Variants in ACVRL1 observed in about 807,000 individuals in gnomAD.
ACVRL1 encodes activin receptor type-1-like.
In ACVRL1, 20 loss-of-function variants were observed where a neutral mutation model predicts 51.9. That is an observed-to-expected ratio of 0.39 (90% CI 0.27 to 0.56). ACVRL1 has a LOEUF of 0.56. ACVRL1 is among the 20% of genes least tolerant of loss of function. The pLI is 0.67. For synonymous variants in ACVRL1, 288 were observed against 280.9 expected, an observed-to-expected ratio of 1.03 and a Z score of -0.25; for missense variants, 451 against 670.3, an observed-to-expected ratio of 0.67 and a Z score of 3.61.
chr12:51,913,923 G>T, intron 4 of ACVRL1, 51 bp from the exon 5 acceptor site: 1 of 1,599,390 alleles, frequency 6.3e-7, no homozygotes, highest in South Asian at 1.1e-5. Flanking sequence ...GATAGAGAAG[G>T]GGGCTGTGGC....
chr12:51,912,976 A>G (rs1940725124), intron 2 of ACVRL1, 123 bp from the exon 3 acceptor site: 3 of 1,390,952 alleles, frequency 2.2e-6, no homozygotes, highest in South Asian at 2.5e-5. Context: ...AAAGTAAGAG[A>G]CCAAAGCTTC....
Position 51,913,365 on chromosome 12 carries a change from C to G in ACVRL1, c.313+15C>G. On this transcript the variant is annotated intron_variant, in intron 3 of 9. Transcript: ENST00000388922. ...GGTGCTGGAGGGTACGTCCAGCTGC[C>G]CTAGCACTCCCTCCCCATCTTCTTG... 1 of 1,609,814 alleles carries G rather than the reference C, an allele frequency of 6.2e-7. No homozygotes were observed. The highest frequency in any genetic ancestry group is 8.5e-7 in the Non-Finnish European group (1 of 1,178,580).
At chr12:51,910,852 GT>G (rs1446828977) in intron 1 of ACVRL1, among the ~76,000 whole-genome samples, 1 of 152,182 alleles carries the variant, frequency 6.6e-6, no homozygotes, top group Non-Finnish European at 1.5e-5. Context: ...CCAGGGCTCT[GT>G]TTCCTCCCCC....
intron 9 of ACVRL1, 47 bp downstream of exon 9, chr12:51,919,162 G>T (rs1266420884): frequency 6.2e-7 from 1 of 1,613,112 alleles, no homozygotes. Context: ...GTGGCTCATG[G>T]CTGGGATTTC....
rs1168190499 is a variant in ACVRL1, at chr12:51,907,618, T to G, written c.-83T>G. 1 of 151,992 alleles carries G rather than the reference T, an allele frequency of 6.6e-6. No homozygotes were observed. Among genetic ancestry groups the G allele is most frequent in the Non-Finnish European group, 1.5e-5 (1 of 67,984 alleles). The allele number at this position is 151,992 out of a possible 1,614,324, so 9.4% of individuals were successfully genotyped here. On this transcript the variant is annotated 5_prime_UTR_variant, in exon 1 of 10. Transcript: ENST00000388922. This position sits in a 1 kb window ranked among gnomAD's most constrained non-coding sequence, Gnocchi z 4.5. ...CGCCGTCCAGCGCTGGCGGTGCAAC[T>G]GCGGCCGCGCGGTGGAGGGGAGGTG...
intron 1 of ACVRL1, among the ~76,000 whole-genome samples, chr12:51,908,188 C>A (rs968982495): frequency 6.6e-6 from 1 of 152,292 alleles, no homozygotes; most frequent in Admixed American, 6.5e-5. Flanking sequence ...ACCCTAGGCG[C>A]GCATGGTCAG....
Position 51,917,152 on chromosome 12 carries a change from G to A in ACVRL1, c.1246+919G>A, listed in dbSNP as rs935812066. On this transcript the variant is annotated intron_variant, in intron 8 of 9. Transcript: ENST00000388922. This position sits in a 1 kb window ranked among gnomAD's most constrained non-coding sequence, Gnocchi z 4.2. ...CCCCATTTTACAGTTGAGGAGACGG[G>A]GGCACAGAATGACAGTGGGCTTGAG... is the stretch of plus-strand genomic sequence containing the variant. Among the ~76,000 whole-genome samples, 1 of 152,188 alleles carries A rather than the reference G, an allele frequency of 6.6e-6. No individual in the cohort carries two copies. Among genetic ancestry groups the A allele is most frequent in the African/African-American group, 2.4e-5 (1 of 41,442 alleles).
Position 51,913,238 on chromosome 12 carries a change from G to T in ACVRL1, c.201G>T (p.Arg67=), listed in dbSNP as rs1414400183. ...REEGRHPQEH[R]GCGNLHRELC... ...AGGGGAGGCACCCCCAGGAACATCG[G>T]GGCTGCGGGAACTTGCACAGGGAGC... Residue 67 remains arginine (R), a synonymous_variant, in exon 3 of 10, where the codon CGG becomes CGT. Transcript: ENST00000388922. The T allele has an allele frequency of 6.3e-7, 1 of 1,591,038 alleles. No individual in the cohort carries two copies. Among genetic ancestry groups the T allele is most frequent in the Admixed American group, 1.8e-5 (1 of 56,160 alleles).
chr12:51,919,146 G>C (rs772774519), intron 9 of ACVRL1, 31 bp downstream of exon 9: 1 of 1,613,462 alleles, frequency 6.2e-7, no homozygotes, highest in South Asian at 1.1e-5. Context: ...AGGATGGCGT[G>C]GGGTGGTGGC....
intron 5 of ACVRL1, 38 bp downstream of exon 5, chr12:51,914,111 G>C: frequency 3.8e-6 from 6 of 1,597,030 alleles, no homozygotes; most frequent in Non-Finnish European, 5.1e-6. Flanking sequence ...AGGACCAAGG[G>C]CTCTCATGAG....
intron 8 of ACVRL1, 137 bp from the exon 9 acceptor site, chr12:51,918,848 A>G (rs1382297716): frequency 5.8e-6 from 7 of 1,196,672 alleles, no homozygotes; most frequent in East Asian, 2.3e-5. Context: ...ATTGCATTAT[A>G]CTGTCCCTCT....
rs144711456 is a variant in ACVRL1, at chr12:51,916,955, C to T, written c.1246+722C>T. ...TGCCACTGCACTCCAGTCTGGGCGACAGAGTGAGACCCTGTCTCAAAAAAA... is the reference window on the plus strand; with the variant it reads ...TGCCACTGCACTCCAGTCTGGGCGATAGAGTGAGACCCTGTCTCAAAAAAA... On this transcript the variant is annotated intron_variant, in intron 8 of 9. Transcript: ENST00000388922. 9.0e-3 allele frequency among the ~76,000 whole-genome samples: 1,376 copies of T among 152,064 alleles called. 21 individuals are homozygous for T. Among genetic ancestry groups the T allele is most frequent in the African/African-American group, 0.031 (1,299 of 41,450 alleles).
chr12:51,915,244 G>T lies in ACVRL1; in HGVS notation c.792G>T (p.Met264Ile), dbSNP rs1481251768. The T allele has an allele frequency of 6.2e-7, 1 of 1,614,058 alleles. No homozygotes were observed. Among genetic ancestry groups the T allele is most frequent in the Admixed American group, 1.7e-5 (1 of 60,016 alleles). ...ACACAGGCTTCATCGCCTCAGACAT[G>T]ACCTCCCGCAACTCGAGCACGCAGC... ...DNILGFIASDMTSRNSSTQLW... is the reference protein window; with the variant it reads ...DNILGFIASDITSRNSSTQLW... The change falls in exon 7 of 10, where the codon ATG (methionine) becomes ATT (isoleucine). Residue 264 changes from methionine (M) to isoleucine (I), a missense_variant. Around this residue, in one of 2 missense-constraint regions of ACVRL1, gnomAD observed 259 missense variants for 453.4 expected, o/e 0.57. Coordinates refer to ENST00000388922, the MANE Select transcript of ACVRL1 (RefSeq NM_000020.3).
rs1316382282 is a variant in ACVRL1 at position 51,922,363 on chromosome 12, T to C, written c.*1470T>C. The C allele has an allele frequency of 6.6e-6, 1 of 152,226 alleles. No homozygotes were observed. The highest frequency in any genetic ancestry group is 2.4e-5 in the African/African-American group (1 of 41,438). The allele number at this position is 152,226 out of a possible 1,614,324, so 9.4% of individuals were successfully genotyped here. The stretch of plus-strand genomic sequence containing the variant: ...CCTCGCCCTCTCTGTGGCATAGTCT[T>C]CTCTGCCCCAGGACTGCAGGGCGGC... On this transcript the variant is annotated 3_prime_UTR_variant, in exon 10 of 10. Coordinates refer to ENST00000388922, the MANE Select transcript of ACVRL1 (RefSeq NM_000020.3).
chr12:51,914,344 G>A, intron 5 of ACVRL1, 95 bp from the exon 6 acceptor site: 3 of 1,560,172 alleles, frequency 1.9e-6, no homozygotes, highest in Non-Finnish European at 2.6e-6. Flanking sequence ...TGTGGGTGGG[G>A]TGGGCGAGGG....
At chr12:51,912,106 A>G (rs1592220665) in intron 1 of ACVRL1, among the ~76,000 whole-genome samples, 1 of 152,214 alleles carries the variant, frequency 6.6e-6, no homozygotes, top group South Asian at 2.1e-4. Flanking sequence ...GAGACACAGA[A>G]CAGAAGGGGA....
At position 51,917,495 on chromosome 12, in the gene ACVRL1, A is replaced by G. The variant is rs1312450755; in HGVS notation, c.1246+1262A>G. Among the ~76,000 whole-genome samples the G allele has an allele frequency of 6.6e-6, 1 of 152,210 alleles. No homozygotes were observed. The highest frequency in any genetic ancestry group is 1.5e-5 in the Non-Finnish European group (1 of 68,028). On this transcript the variant is annotated intron_variant, in intron 8 of 9. Transcript: ENST00000388922. The surrounding 1 kb of genome is among the most constrained non-coding windows in gnomAD (Gnocchi z 4.2). ...TTGTCAACCTTTGAGGAGGCTGTCCATGGTGAGGGACTTCCAGGAGTCGTG... is the reference window on the plus strand; with the variant it reads ...TTGTCAACCTTTGAGGAGGCTGTCCGTGGTGAGGGACTTCCAGGAGTCGTG...
intron 8 of ACVRL1, 116 bp downstream of exon 8, chr12:51,916,349 C>A: frequency 9.2e-7 from 1 of 1,087,686 alleles, no homozygotes; most frequent in East Asian, 2.6e-5. Flanking sequence ...CTCCTGGCAC[C>A]CCTTCCATGC....
rs762796409 is a variant in ACVRL1, at chr12:51,913,106, T to C, written c.69T>C (p.Pro23=). 6 of 1,603,816 alleles carry C rather than the reference T, an allele frequency of 3.7e-6. No individual in the cohort carries two copies. Among genetic ancestry groups the C allele is most frequent in the Middle Eastern group, 2.3e-4 (1 of 4,438 alleles). ...TTCCGGTGTGTCTTCCAGGAGACCCTGTGAAGCCGTCTCGGGGCCCGCTGG... is the reference window on the plus strand; with the variant it reads ...TTCCGGTGTGTCTTCCAGGAGACCCCGTGAAGCCGTCTCGGGGCCCGCTGG... ...LLMALVTQGD[P]VKPSRGPLVT... Residue 23 remains proline, a synonymous_variant, in exon 3 of 10, where the codon CCT becomes CCC. Coordinates refer to ENST00000388922, the MANE Select transcript of ACVRL1 (RefSeq NM_000020.3).
Sources: allele counts gnomAD v4.1 joint callset (sites outside exome capture counted in the v4.1 genomes callset), GRCh38; gene constraint gnomAD v4.1.1; regional missense constraint gnomAD v4.1.1; non-coding constraint Gnocchi (gnomAD v3.1); transcripts MANE v1.5; gene names NCBI Gene and HGNC (gene_info 2026-07-23, HGNC 2026-07-21).